CSMD1: variants seen among roughly 807,000 people sequenced by gnomAD.
CSMD1 encodes CUB and sushi domain-containing protein 1.
CSMD1 carries 213 observed loss-of-function variants against 417.5 expected under a neutral mutation model. The observed-to-expected ratio is 0.51, with a 90% confidence interval of 0.46 to 0.57. The LOEUF is 0.57. Ranked by LOEUF, CSMD1 falls within the 20% of genes least tolerant of loss-of-function variation. CSMD1 has a pLI of 0.00. For missense variants in CSMD1, 6,923 were observed against 4,529.7 expected (o/e 1.53, Z -15.17); for synonymous variants, 2,862 against 1,736.8 (o/e 1.65, Z -16.11).
At chr8:4,232,826 C>T (rs1159434379) in intron 3 of CSMD1, among the ~76,000 whole-genome samples, 3 of 152,070 alleles carry the variant, frequency 2.0e-5, no homozygotes, top group African/African-American at 4.8e-5. Context: ...AAAAGACAAA[C>T]ATTACTTTAT....
At chr8:4,316,383 C>G (rs1413670417) in intron 3 of CSMD1, among the ~76,000 whole-genome samples, 1 of 152,106 alleles carries the variant, frequency 6.6e-6, no homozygotes, top group Non-Finnish European at 1.5e-5. Context: ...CCACAGACCT[C>G]TGTTAATTCT....
rs567162125 is a variant in CSMD1, at chr8:4,788,930, G to T, written c.86-151372C>A. Among the ~76,000 whole-genome samples, 7 of 152,270 alleles carry T rather than the reference G, an allele frequency of 4.6e-5. No individual in the cohort carries two copies. The East Asian group carries it at 1.2e-3, about 25-fold the overall frequency. On this transcript the variant is annotated intron_variant, in intron 1 of 69. Coordinates refer to ENST00000635120, the MANE Select transcript of CSMD1 (RefSeq NM_033225.6). ...TTGGAGGTTGGCAGCATATGAGAAG[G>T]ACAGACTGTAGATGCAGAGTTCTGA...
intron 3 of CSMD1, among the ~76,000 whole-genome samples, chr8:4,404,774 G>A (rs1464449658): frequency 1.3e-5 from 2 of 151,980 alleles, no homozygotes; most frequent in East Asian, 1.9e-4. Context: ...AAGTTGAATA[G>A]CCATAAGCAA....
chr8:4,049,727 T>A (rs1008226280), intron 3 of CSMD1, among the ~76,000 whole-genome samples: 4 of 152,232 alleles, frequency 2.6e-5, no homozygotes, highest in African/African-American at 9.6e-5. Context: ...TTTAAAAATT[T>A]GTTTTAAAGT....
intron 11 of CSMD1, among the ~76,000 whole-genome samples, chr8:3,475,380 A>G (rs1479777595): frequency 6.6e-6 from 1 of 152,060 alleles, no homozygotes; most frequent in South Asian, 2.1e-4. Flanking sequence ...AAAAATATAA[A>G]TTAACCTACA....
intron 26 of CSMD1, among the ~76,000 whole-genome samples, chr8:3,265,788 C>T (rs1054308221): frequency 2.6e-5 from 4 of 152,092 alleles, no homozygotes; most frequent in Non-Finnish European, 5.9e-5. Flanking sequence ...GATGCAGTTG[C>T]ACCCTCCACA....
At chr8:3,375,823 T>C (rs371395608) in intron 18 of CSMD1, among the ~76,000 whole-genome samples, 5 of 152,176 alleles carry the variant, frequency 3.3e-5, no homozygotes, top group Non-Finnish European at 5.9e-5. Context: ...TTGATCATCA[T>C]CTACCTTCAG....
At chr8:4,876,000 T>A (rs1286785681) in intron 1 of CSMD1, among the ~76,000 whole-genome samples, 1 of 152,106 alleles carries the variant, frequency 6.6e-6, no homozygotes, top group East Asian at 1.9e-4. Flanking sequence ...ATTTTTATAG[T>A]AAAGAGTAAA....
chr8:4,210,793 A>T (rs543920667), intron 3 of CSMD1, among the ~76,000 whole-genome samples: 4 of 152,326 alleles, frequency 2.6e-5, no homozygotes, highest in African/African-American at 7.2e-5. Context: ...ATACGAGCAT[A>T]TCTACAAGGT....
chr8:4,158,258 C>T (rs1325853670), intron 3 of CSMD1, among the ~76,000 whole-genome samples: 1 of 152,028 alleles, frequency 6.6e-6, no homozygotes, highest in African/African-American at 2.4e-5. Context: ...CATGCCAGCT[C>T]TGCAGACATC....
intron 1 of CSMD1, chr8:4,787,816 A>G (rs1191924309): frequency 5.7e-6 from 9 of 1,574,494 alleles, no homozygotes; most frequent in Non-Finnish European, 7.0e-6. Context: ...GAGTCATGCT[A>G]CACAGGCTAT....
chr8:4,374,169 T>A (rs868449404), intron 3 of CSMD1, among the ~76,000 whole-genome samples: 1 of 151,972 alleles, frequency 6.6e-6, no homozygotes, highest in African/African-American at 2.4e-5. Context: ...CCCTTTTAGA[T>A]CCCCCCTCTG....
intron 10 of CSMD1, among the ~76,000 whole-genome samples, chr8:3,509,755 G>C (rs1035879936): frequency 2.6e-5 from 4 of 152,144 alleles, no homozygotes; most frequent in Non-Finnish European, 4.4e-5. Context: ...TTTTGTTCTA[G>C]AATCCAAGGG....
In CSMD1 at chr8:4,463,243, G is replaced by C. The variant is rs189601768; in HGVS notation, c.303-43178C>G. ...AAATCAAAGACGTACTGAGATACCA[G>C]TTCATGTCCACTAAAATAGGTACCA... On this transcript the variant is annotated intron_variant, in intron 2 of 69. Transcript: ENST00000635120. Among the ~76,000 whole-genome samples, 231 of 152,244 alleles carry C rather than the reference G, an allele frequency of 1.5e-3. 1 individual carries two copies. The highest frequency in any genetic ancestry group is 5.2e-3 in the African/African-American group (216 of 41,548).
intron 7 of CSMD1, among the ~76,000 whole-genome samples, chr8:3,705,510 C>G (rs1240991027): frequency 1.3e-5 from 2 of 152,206 alleles, no homozygotes; most frequent in African/African-American, 4.8e-5. Flanking sequence ...ACTGCTGTCA[C>G]TTCTTTTACT....
intron 5 of CSMD1, among the ~76,000 whole-genome samples, chr8:3,897,970 A>C (rs542508674): frequency 1.3e-5 from 2 of 152,204 alleles, no homozygotes; most frequent in Non-Finnish European, 2.9e-5. Context: ...CAAAATCAAA[A>C]TCTAGTCACG....
At position 3,660,547 on chromosome 8, in the gene CSMD1, A is replaced by C. The variant is rs13251055; in HGVS notation, c.1010-43750T>G. Reference sequence around the variant, plus strand: ...TTTTTTTTTTTTTTTTTGAAAAAAAACAAGGCCCTGCAGTCCAGGCAAGAG... The same window carrying C: ...TTTTTTTTTTTTTTTTTGAAAAAAACCAAGGCCCTGCAGTCCAGGCAAGAG... On this transcript the variant is annotated intron_variant, in intron 7 of 69. Coordinates refer to ENST00000635120, the MANE Select transcript of CSMD1 (RefSeq NM_033225.6). 8.4e-5 allele frequency among the ~76,000 whole-genome samples: 6 copies of C among 71,760 alleles called. 2 individuals carry two copies. Among genetic ancestry groups the C allele is most frequent in the Admixed American group, 2.6e-4 (2 of 7,806 alleles). The allele number at this position is 71,760 out of a possible 152,430, so 47.1% of individuals were successfully genotyped here.
chr8:4,722,371 A>ATGC (rs1809115325), intron 1 of CSMD1, among the ~76,000 whole-genome samples: 3 of 152,162 alleles, frequency 2.0e-5, no homozygotes, highest in Admixed American at 2.0e-4. Context: ...GGCAAACTTA[A>ATGC]CTAAATATGG....
At chr8:3,676,032 G>C (rs986649805) in intron 7 of CSMD1, among the ~76,000 whole-genome samples, 1 of 152,166 alleles carries the variant, frequency 6.6e-6, no homozygotes, top group South Asian at 2.1e-4. Flanking sequence ...TATCATTTAT[G>C]ACAAATATAG....
Sources: allele counts gnomAD v4.1 joint callset (sites outside exome capture counted in the v4.1 genomes callset), GRCh38; gene constraint gnomAD v4.1.1; transcripts MANE v1.5; gene names NCBI Gene and HGNC (gene_info 2026-07-23, HGNC 2026-07-21).